CABIN1: variants seen among roughly 807,000 people sequenced by gnomAD.
CABIN1 encodes the protein calcineurin binding protein 1, also known as calcineurin-binding protein cabin-1.
A neutral mutation model predicts 227.7 loss-of-function variants in CABIN1; 133 were observed. That is an observed-to-expected ratio of 0.58 (90% CI 0.51 to 0.67). The LOEUF (loss-of-function observed/expected upper bound fraction) is 0.67. Ranked by LOEUF, CABIN1 falls within the 30% of genes least tolerant of loss-of-function variation. The pLI is 0.00. For synonymous variants in CABIN1, 1,086 were observed against 1,155.1 expected (o/e 0.94, Z 1.21); for missense variants, 2,408 against 2,852.5 (o/e 0.84, Z 3.55).
At chr22:24,013,029 G>A (rs957684519) in intron 1 of CABIN1, among the ~76,000 whole-genome samples, 1 of 151,284 alleles carries the variant, frequency 6.6e-6, no homozygotes, top group Admixed American at 6.6e-5. Flanking sequence ...TGAAAGTGTT[G>A]GGATTACAGG....
At chr22:24,102,614 C>A (rs571243675) in intron 26 of CABIN1, among the ~76,000 whole-genome samples, 1 of 152,286 alleles carries the variant, frequency 6.6e-6, no homozygotes, top group Non-Finnish European at 1.5e-5. Context: ...CCAGAGAAAC[C>A]TGGGCCTGTT....
Position 24,072,352 on chromosome 22 carries a change from A to G in CABIN1, c.2476-2A>G. 1 of 1,614,160 alleles carries G rather than the reference A, an allele frequency of 6.2e-7. No individual in the cohort carries two copies. The highest frequency in any genetic ancestry group is 8.5e-7 in the Non-Finnish European group (1 of 1,180,024). On this transcript the variant is annotated splice_acceptor_variant, in intron 17 of 36. Coordinates refer to ENST00000263119, the MANE Select transcript of CABIN1 (RefSeq NM_012295.4). LOFTEE classifies it high-confidence loss of function. Reference sequence around the variant, plus strand: ...CTGCTGTCTCCCACCCCGCACTGTCAGGTCATTGACTGCAGCATGGCTGTG... The same window carrying G: ...CTGCTGTCTCCCACCCCGCACTGTCGGGTCATTGACTGCAGCATGGCTGTG...
In CABIN1 at chr22:24,041,187, A is replaced by T. The variant is rs772034567; in HGVS notation, c.259A>T (p.Ile87Leu). ...AGAGGGGTTGAAACACCCTGGGCTG[A>T]TACTGAAATATTCCACTTATAAGAA... ...EKEGLKHPGL[I>L]LKYSTYKNLA... The change falls in exon 5 of 37, where the codon ATA (isoleucine) becomes TTA (leucine). Residue 87 changes from isoleucine to leucine, a missense_variant. Around this residue, in one of 3 missense-constraint regions of CABIN1, gnomAD observed 1,045 missense variants for 1,168.4 expected, o/e 0.89. Coordinates refer to ENST00000263119, the MANE Select transcript of CABIN1 (RefSeq NM_012295.4). 1 of 1,614,202 alleles carries T rather than the reference A, an allele frequency of 6.2e-7. No homozygotes were observed. The highest frequency in any genetic ancestry group is 1.1e-5 in the South Asian group (1 of 91,080).
intron 33 of CABIN1, 88 bp from the exon 34 acceptor site, chr22:24,171,625 T>C: frequency 1.3e-6 from 2 of 1,498,968 alleles, no homozygotes; most frequent in East Asian, 2.3e-5. Context: ...GGATGTCCTG[T>C]GGGACAGCAC....
intron 26 of CABIN1, among the ~76,000 whole-genome samples, chr22:24,106,827 T>C (rs1436255742): frequency 6.6e-6 from 1 of 152,212 alleles, no homozygotes; most frequent in Non-Finnish European, 1.5e-5. Flanking sequence ...CATTCATCCC[T>C]TTTGCCCTAT....
intron 29 of CABIN1, among the ~76,000 whole-genome samples, chr22:24,144,355 A>C (rs1321178636): frequency 1.3e-5 from 2 of 152,128 alleles, no homozygotes; most frequent in African/African-American, 4.8e-5. Flanking sequence ...CCTTGCTTTC[A>C]CCATCAGAGA....
Position 24,177,884 on chromosome 22 carries a change from ATGGGGG to A in CABIN1, c.6519+77_6519+82del. 1.3e-6 allele frequency: 1 copy of A among 790,294 alleles called. No individual in the cohort carries two copies. The highest frequency in any genetic ancestry group is 1.9e-6 in the Non-Finnish European group (1 of 528,696). 49.0% of individuals were successfully genotyped at this position (790,294 alleles called of 1,614,324 possible). On this transcript the variant is annotated intron_variant, in intron 36 of 36. Coordinates refer to ENST00000263119, the MANE Select transcript of CABIN1 (RefSeq NM_012295.4). The surrounding 1 kb of genome is among the most constrained non-coding windows in gnomAD (Gnocchi z 4.4). Reference sequence around the variant, plus strand: ...GCATAGGTTACAAAGGGGGCCTAGGATGGGGGTGGGGGTGGCAGGAGGGCCTGGGGT... The same window carrying A: ...GCATAGGTTACAAAGGGGGCCTAGGATGGGGGTGGCAGGAGGGCCTGGGGT...
chr22:24,089,855 G>A (rs895342664), intron 23 of CABIN1, among the ~76,000 whole-genome samples: 7 of 152,186 alleles, frequency 4.6e-5, no homozygotes, highest in Non-Finnish European at 7.3e-5. Flanking sequence ...GAGCCAGAGC[G>A]TTCTAGCTGT....
chr22:24,053,365 C>T (rs1018198901), intron 8 of CABIN1, among the ~76,000 whole-genome samples: 7 of 150,870 alleles, frequency 4.6e-5, no homozygotes, highest in Non-Finnish European at 7.4e-5. Flanking sequence ...CGTGAGCCAC[C>T]GCACCCAGCC....
intron 27 of CABIN1, among the ~76,000 whole-genome samples, chr22:24,114,276 A>T (rs1209572035): frequency 3.3e-5 from 5 of 152,116 alleles, no homozygotes; most frequent in African/African-American, 1.2e-4. Flanking sequence ...TATAGAAATC[A>T]GTTGGCAGAG....
chr22:24,111,599 G>A (rs1200203508), intron 26 of CABIN1, among the ~76,000 whole-genome samples: 1 of 152,204 alleles, frequency 6.6e-6, no homozygotes, highest in African/African-American at 2.4e-5. Flanking sequence ...GTGCCAAAAA[G>A]GTTGGGGACT....
In CABIN1 at chr22:24,070,991, G is replaced by C; in HGVS notation, c.2424G>C (p.Lys808Asn). The change falls in exon 17 of 37, where the codon AAG becomes AAC. Residue 808 changes from lysine (K) to asparagine (N), a missense_variant. By Grantham distance (94) the Lys-to-Asn change is moderately conservative. Coordinates refer to ENST00000263119, the MANE Select transcript of CABIN1 (RefSeq NM_012295.4). ...LSADSSGSIL[K>N]VSSSTTGLVR... Reference sequence around the variant, plus strand: ...CGGACAGCAGTGGTAGCATCCTGAAGGTATCATCCTCCACCACTGGCCTTG... The same window carrying C: ...CGGACAGCAGTGGTAGCATCCTGAACGTATCATCCTCCACCACTGGCCTTG... 6.2e-7 allele frequency: 1 copy of C among 1,614,212 alleles called. No homozygotes were observed. The highest frequency in any genetic ancestry group is 8.5e-7 in the Non-Finnish European group (1 of 1,180,032).
chr22:24,170,917 C>T (rs1349955068), intron 33 of CABIN1, among the ~76,000 whole-genome samples: 1 of 152,200 alleles, frequency 6.6e-6, no homozygotes, highest in Non-Finnish European at 1.5e-5. Flanking sequence ...CACTCCTCTG[C>T]TCAGCTGTGA....
At position 24,050,928 on chromosome 22, in the gene CABIN1, G is replaced by A. The variant is rs375054136; in HGVS notation, c.760G>A (p.Glu254Lys). 3.7e-6 allele frequency: 6 copies of A among 1,614,126 alleles called. No homozygotes were observed. The African/African-American group carries it at 5.3e-5, about 14-fold the overall frequency. ...RKKRQALIVR[E>K]KEPDLKLVQP... is the part of the protein sequence containing the mutation. ...AAAGAGGCAAGCGCTGATTGTGCGG[G>A]AGAAGGAGCCGGACCTGAAACTTGT... Residue 254 changes from glutamate to lysine, a missense_variant, in exon 8 of 37, where the codon GAG (glutamate) becomes AAG (lysine). Physicochemically the swap from Glu to Lys is moderately conservative, Grantham distance 56. This residue lies in a region of CABIN1 where 1,045 missense variants were observed against 1,168.4 expected (regional missense o/e 0.89). Transcript: ENST00000263119.
intron 29 of CABIN1, among the ~76,000 whole-genome samples, chr22:24,154,047 G>C (rs999843673): frequency 6.6e-6 from 1 of 152,186 alleles, no homozygotes; most frequent in East Asian, 1.9e-4. Flanking sequence ...AGGCATGCGC[G>C]CTGGGGAGAG....
intron 28 of CABIN1, among the ~76,000 whole-genome samples, chr22:24,124,607 T>C (rs1325704297): frequency 1.3e-5 from 2 of 152,250 alleles, no homozygotes; most frequent in African/African-American, 4.8e-5. Flanking sequence ...GATCACAATC[T>C]TCACCAAGAT....
At chr22:24,147,244 TCTCCCTGCCTCC>T (rs2045177582) in intron 29 of CABIN1, among the ~76,000 whole-genome samples, 1 of 112,366 alleles carries the variant, frequency 8.9e-6, no homozygotes, top group South Asian at 3.4e-4. Context: ...TCCCTCCCTC[TCTCCCTGCCTCC>T]CTCCCTCCGT....
At position 24,130,372 on chromosome 22, in the gene CABIN1, T is replaced by C. The variant is rs553727146; in HGVS notation, c.4633-3930T>C. Among the ~76,000 whole-genome samples the C allele has an allele frequency of 8.5e-5, 13 of 152,230 alleles. No individual in the cohort carries two copies. In the South Asian group the frequency reaches 2.3e-3, roughly 27 times the overall value. On this transcript the variant is annotated intron_variant, in intron 28 of 36. Coordinates refer to ENST00000263119, the MANE Select transcript of CABIN1 (RefSeq NM_012295.4). ...CAGGGGAAGAGCCCAGGCCTCAGAG[T>C]CCTTGCAGCCTGGACCAGAGTCCAG...
intron 30 of CABIN1, among the ~76,000 whole-genome samples, chr22:24,164,870 G>A (rs775888258): frequency 6.6e-6 from 1 of 152,164 alleles, no homozygotes; most frequent in Non-Finnish European, 1.5e-5. Flanking sequence ...TCGGGGTGCT[G>A]TCAGGTTGTA....
Sources: allele counts gnomAD v4.1 joint callset (sites outside exome capture counted in the v4.1 genomes callset), GRCh38; gene constraint gnomAD v4.1.1; regional missense constraint gnomAD v4.1.1; non-coding constraint Gnocchi (gnomAD v3.1); transcripts MANE v1.5; gene names NCBI Gene and HGNC (gene_info 2026-07-23, HGNC 2026-07-21).